BCOR: variants seen among roughly 807,000 people sequenced by gnomAD.
The protein encoded by BCOR is BCL-6 corepressor.
BCOR carries 10 observed loss-of-function variants against 86.7 expected under a neutral mutation model. The ratio of observed to expected loss-of-function variants is 0.12; its 90% confidence interval spans 0.07 to 0.20. BCOR has a LOEUF of 0.20. BCOR is among the 10% of genes least tolerant of loss of function. The pLI is 1.00. For synonymous variants in BCOR, 611 were observed against 609.0 expected (o/e 1.00, Z -0.05); for missense variants, 1,259 against 1,452.1 (o/e 0.87, Z 2.16).
At chrX:40,100,724 GA>G (rs1166940943), upstream of BCOR, among the ~76,000 whole-genome samples, 14 of 96,154 alleles carry the variant, frequency 1.5e-4, no homozygotes, top group East Asian at 3.2e-4. Flanking sequence ...AAAAGAAAAA[GA>G]AAAAAAAAAG....
chrX:40,053,374 C>T (rs1405610656), intron 14 of BCOR, among the ~76,000 whole-genome samples: 2 of 112,039 alleles, frequency 1.8e-5, no homozygotes, highest in Non-Finnish European at 3.8e-5. Flanking sequence ...GATGATTGGT[C>T]ACTGGCGAAT....
At chrX:40,068,326 G>C (rs1935301661) in intron 6 of BCOR, among the ~76,000 whole-genome samples, 1 of 112,008 alleles carries the variant, frequency 8.9e-6, no homozygotes, top group African/African-American at 3.2e-5. Context: ...CTCTAGCAGA[G>C]GCCAACCATG....
chrX:40,128,135 G>A (rs953067861), intron 1 of BCOR, among the ~76,000 whole-genome samples: 2 of 111,310 alleles, frequency 1.8e-5, no homozygotes, highest in Non-Finnish European at 3.8e-5. Context: ...TGAGGCAGGA[G>A]AATCTCTTGA....
At chrX:40,157,120 G>A (rs1938313324) in intron 1 of BCOR, among the ~76,000 whole-genome samples, 3 of 113,358 alleles carry the variant, frequency 2.6e-5, no homozygotes, top group African/African-American at 9.6e-5. Flanking sequence ...TGGCTCCAAA[G>A]GGCTGATGTG....
At chrX:40,098,185 C>A (rs1265419422), upstream of BCOR, among the ~76,000 whole-genome samples, 3 of 109,312 alleles carry the variant, frequency 2.7e-5, no homozygotes, top group Non-Finnish European at 5.8e-5. Flanking sequence ...CCCTCCGCTG[C>A]GGCGCCTCCG....
chrX:40,161,194 T>G (rs1476658971), intron 1 of BCOR, among the ~76,000 whole-genome samples: 2 of 100,531 alleles, frequency 2.0e-5, no homozygotes, highest in East Asian at 3.2e-4. Flanking sequence ...TTTTGTTTTT[T>G]GGGGTTTTTT....
intron 1 of BCOR, among the ~76,000 whole-genome samples, chrX:40,140,491 A>C (rs756662978): frequency 7.2e-4 from 80 of 111,226 alleles, no homozygotes; most frequent in African/African-American, 2.4e-3. Context: ...AACAAACAAA[A>C]AAACCAAAAA....
At chrX:40,141,516 T>C (rs1170338828) in intron 1 of BCOR, among the ~76,000 whole-genome samples, 1 of 111,969 alleles carries the variant, frequency 8.9e-6, no homozygotes, top group East Asian at 2.8e-4. Flanking sequence ...AGCCCCCTTC[T>C]CTGCTGGGAG....
chrX:40,073,473 T>C lies in BCOR; in HGVS notation c.1873A>G (p.Ser625Gly). 8.2e-7 allele frequency: 1 copy of C among 1,212,249 alleles called. No individual in the cohort carries two copies. Among genetic ancestry groups the C allele is most frequent in the Non-Finnish European group, 1.1e-6 (1 of 895,651 alleles). Residue 625 changes from serine (S) to glycine (G), a missense_variant, in exon 4 of 15, where the codon AGT becomes GGT. Physicochemically the swap from Ser to Gly is moderately conservative, Grantham distance 56. This residue lies in a region of BCOR where 534 missense variants were observed against 594.8 expected (regional missense o/e 0.90). Coordinates refer to ENST00000378444, the MANE Select transcript of BCOR (RefSeq NM_001123385.2). ...KGAKASNPEPSFKANENGLPP... is the reference protein window; with the variant it reads ...KGAKASNPEPGFKANENGLPP... ...AGGCCGTTCTCGTTTGCTTTGAAACTCGGTTCTGGGTTGCTGGCTTTGGCG... is the reference window on the plus strand; with the variant it reads ...AGGCCGTTCTCGTTTGCTTTGAAACCCGGTTCTGGGTTGCTGGCTTTGGCG...
chrX:40,077,681 T>C (rs1356393092), intron 2 of BCOR, 163 bp downstream of exon 2: 1 of 473,906 alleles, frequency 2.1e-6, no homozygotes, highest in Non-Finnish European at 3.7e-6. Flanking sequence ...AATGCTTCAC[T>C]GAGCCAGGTT....
chrX:40,122,922 C>T (rs369676811), intron 1 of BCOR, among the ~76,000 whole-genome samples: 1 of 111,697 alleles, frequency 9.0e-6, no homozygotes, highest in East Asian at 2.8e-4. Context: ...CCCACCACTG[C>T]CCCGGGCCTG....
chrX:40,160,922 A>T (rs1439167908), intron 1 of BCOR, among the ~76,000 whole-genome samples: 1 of 101,643 alleles, frequency 9.8e-6, no homozygotes, highest in African/African-American at 3.7e-5. Context: ...CAATCTGCCC[A>T]CCTCGGCCTC....
chrX:40,144,325 A>G (rs1937992516), intron 1 of BCOR, among the ~76,000 whole-genome samples: 2 of 111,996 alleles, frequency 1.8e-5, no homozygotes, highest in African/African-American at 3.3e-5. Context: ...AATTTATAGA[A>G]ATTGTATCTG....
At position 40,063,054 on chromosome X, in the gene BCOR, C is replaced by T. The variant is rs771933828; in HGVS notation, c.3865G>A (p.Gly1289Ser). Reference sequence around the variant, plus strand: ...GAAAGACTCTTCATGGGCGGAGAGCCGGAGAACACAGGCAAGCCTAAATAC... The same window carrying T: ...GAAAGACTCTTCATGGGCGGAGAGCTGGAGAACACAGGCAAGCCTAAATAC... ...DNEQGLPVFS[G>S]SPPMKSLSST... Residue 1289 changes from glycine (G) to serine (S), a missense_variant, in exon 9 of 15, where the codon GGC becomes AGC. By Grantham distance (56) the Gly-to-Ser change is moderately conservative. This residue lies in a region of BCOR where 305 missense variants were observed against 286.1 expected (regional missense o/e 1.07). Coordinates refer to ENST00000378444, the MANE Select transcript of BCOR (RefSeq NM_001123385.2). The T allele has an allele frequency of 1.5e-5, 16 of 1,035,955 alleles. No individual in the cohort carries two copies. Among genetic ancestry groups the T allele is most frequent in the Admixed American group, 3.1e-5 (1 of 32,717 alleles). 85.4% of individuals were successfully genotyped at this position (1,035,955 alleles called of 1,213,427 possible). A position where few individuals can be genotyped will look rare whatever the true frequency, so the allele number is the denominator to read the frequency against.
intron 10 of BCOR, 152 bp downstream of exon 10, chrX:40,061,987 T>G: frequency 2.9e-6 from 2 of 700,353 alleles, no homozygotes; most frequent in South Asian, 5.0e-5. Flanking sequence ...GCAGTGAGAG[T>G]GGGGCTAACA....
intron 1 of BCOR, among the ~76,000 whole-genome samples, chrX:40,084,740 C>CTA (rs1337181950): frequency 5.0e-5 from 5 of 99,840 alleles, no homozygotes; most frequent in Non-Finnish European, 9.8e-5. Flanking sequence ...AGGGAACAAG[C>CTA]TATACCGTAA....
At chrX:40,169,193 A>G (rs1938568370) in intron 1 of BCOR, among the ~76,000 whole-genome samples, 1 of 112,872 alleles carries the variant, frequency 8.9e-6, no homozygotes. Flanking sequence ...ATGCAGACAG[A>G]GGCTCCTCAG....
chrX:40,100,463 T>G (rs1489580931), upstream of BCOR, among the ~76,000 whole-genome samples: 1 of 112,484 alleles, frequency 8.9e-6, no homozygotes, highest in Non-Finnish European at 1.9e-5. Flanking sequence ...CGAAGTCGCA[T>G]GTAAACGTCC....
chrX:40,157,255 C>T (rs768792116), intron 1 of BCOR, among the ~76,000 whole-genome samples: 202 of 109,880 alleles, frequency 1.8e-3, no homozygotes, highest in Non-Finnish European at 2.7e-3. Flanking sequence ...GGAAGGCCCT[C>T]CAGACTCCAG....
Sources: gnomAD v4.1 joint callset for allele counts (sites outside exome capture counted in the v4.1 genomes callset) on GRCh38, gnomAD v4.1.1 for gene constraint, gnomAD v4.1.1 regional missense constraint, MANE v1.5 for transcripts, NCBI Gene and HGNC (gene_info 2026-07-23, HGNC 2026-07-21) for gene names.